ARHGEF10: variants seen among roughly 807,000 people sequenced by gnomAD.
ARHGEF10 encodes Rho guanine nucleotide exchange factor (GEF) 10.
In ARHGEF10, 140 loss-of-function variants were observed where a neutral mutation model predicts 147.4. That is an observed-to-expected ratio of 0.95 (90% CI 0.83 to 1.09). The LOEUF (loss-of-function observed/expected upper bound fraction) is 1.09, where lower values mean the gene tolerates loss of function less well. ARHGEF10 is among the 50% of genes least tolerant of loss of function. The probability of loss-of-function intolerance (pLI) is 0.00; values close to 1 mark genes in which losing one functional copy is unlikely to be tolerated. For missense variants in ARHGEF10, 2,222 were observed against 1,752.7 expected (o/e 1.27, Z -4.78); for synonymous variants, 902 against 695.8 (o/e 1.30, Z -4.67).
At chr8:1,921,658 C>T (rs545384078) in intron 18 of ARHGEF10, among the ~76,000 whole-genome samples, 1 of 152,076 alleles carries the variant, frequency 6.6e-6, no homozygotes, top group Non-Finnish European at 1.5e-5. Context: ...TCGTTTGAAC[C>T]CGGGAGGCAG....
intron 22 of ARHGEF10, among the ~76,000 whole-genome samples, chr8:1,925,824 T>G (rs1309900843): frequency 1.3e-5 from 2 of 152,172 alleles, no homozygotes; most frequent in African/African-American, 4.8e-5. Flanking sequence ...ATCTCCAGGG[T>G]GGCGTCTTAT....
At chr8:1,859,241 G>A (rs112324520) in intron 3 of ARHGEF10, among the ~76,000 whole-genome samples, 23,009 of 114,822 alleles carry the variant, frequency 0.2, 698 homozygotes, top group Non-Finnish European at 0.24. Flanking sequence ...TTGTTTGCCC[G>A]GTGTTTCTTT....
At chr8:1,827,951 C>T (rs1305766585) in intron 1 of ARHGEF10, among the ~76,000 whole-genome samples, 1 of 152,184 alleles carries the variant, frequency 6.6e-6, no homozygotes, top group Non-Finnish European at 1.5e-5. Context: ...GCATGGCTGT[C>T]TGCGTAGAAT....
At chr8:1,891,562 C>T (rs1234006578) in intron 11 of ARHGEF10, among the ~76,000 whole-genome samples, 1 of 152,192 alleles carries the variant, frequency 6.6e-6, no homozygotes, top group Non-Finnish European at 1.5e-5. Flanking sequence ...CAGGCACCAT[C>T]CGCAGCTCTC....
At chr8:1,826,214 T>G in intron 1 of ARHGEF10, 1 of 1,259,618 alleles carries the variant, frequency 7.9e-7, no homozygotes, top group South Asian at 1.3e-5. Context: ...AAGTTAAAAG[T>G]TATTCAGAAT....
intron 2 of ARHGEF10, among the ~76,000 whole-genome samples, chr8:1,856,783 C>T (rs754224030): frequency 6.6e-6 from 1 of 152,186 alleles, no homozygotes. Flanking sequence ...CGAGGTGCCA[C>T]CTGCTTCTGT....
At chr8:1,918,556 T>C (rs1228042952) in intron 18 of ARHGEF10, among the ~76,000 whole-genome samples, 1 of 152,086 alleles carries the variant, frequency 6.6e-6, no homozygotes, top group Non-Finnish European at 1.5e-5. Context: ...TATACATGTA[T>C]GGTTTAAAAC....
intron 1 of ARHGEF10, among the ~76,000 whole-genome samples, chr8:1,826,424 CGCTTTGTGTGTGTGTGTGT>C (rs1802777871): frequency 7.8e-6 from 1 of 128,616 alleles, no homozygotes. Flanking sequence ...TGTGTGTGTG[CGCTTTGTGTGTGTGTGTGT>C]GCGCGTGTGT....
intron 27 of ARHGEF10, among the ~76,000 whole-genome samples, chr8:1,949,873 C>G (rs1036296751): frequency 6.6e-6 from 1 of 151,904 alleles, no homozygotes; most frequent in Admixed American, 6.6e-5. Context: ...GGGCGAATCC[C>G]CCTGGTAGCA....
chr8:1,874,427 C>T (rs1413215217), intron 7 of ARHGEF10, among the ~76,000 whole-genome samples: 8 of 152,196 alleles, frequency 5.3e-5, no homozygotes, highest in Non-Finnish European at 1.2e-4. Flanking sequence ...GCAGCTCCAG[C>T]TCTCAAAGGG....
intron 27 of ARHGEF10, among the ~76,000 whole-genome samples, chr8:1,947,992 G>C (rs1814734435): frequency 6.6e-6 from 1 of 152,036 alleles, no homozygotes; most frequent in African/African-American, 2.4e-5. Flanking sequence ...TCAGGTCGCA[G>C]GTTCTGGCTA....
At chr8:1,865,472 C>G (rs1806513603) in intron 5 of ARHGEF10, among the ~76,000 whole-genome samples, 1 of 151,840 alleles carries the variant, frequency 6.6e-6, no homozygotes, top group African/African-American at 2.4e-5. Context: ...CCCCCAGCAC[C>G]CAGGGGGCCA....
In ARHGEF10 at chr8:1,914,635, C is replaced by T. The variant is rs75333359; in HGVS notation, c.2143+5165C>T. On this transcript the variant is annotated intron_variant, in intron 18 of 28. Coordinates refer to ENST00000349830, the MANE Select transcript of ARHGEF10 (RefSeq NM_014629.4). ...GTCGTGTTTTGAAATACACAGCAGTCGAAATGAAGGAAACAGAACAAAATG... is the reference window on the plus strand; with the variant it reads ...GTCGTGTTTTGAAATACACAGCAGTTGAAATGAAGGAAACAGAACAAAATG... 1.9e-3 allele frequency among the ~76,000 whole-genome samples: 295 copies of T among 152,286 alleles called. 7 individuals are homozygous for T. The East Asian group carries it at 0.049, about 25-fold the overall frequency.
At chr8:1,873,795 C>G (rs1023444056) in intron 7 of ARHGEF10, among the ~76,000 whole-genome samples, 2 of 152,104 alleles carry the variant, frequency 1.3e-5, no homozygotes, top group Non-Finnish European at 2.9e-5. Flanking sequence ...TCGGGGCTCT[C>G]AGAACACAGG....
At chr8:1,926,885 G>C (rs144054098) in intron 23 of ARHGEF10, 1 of 303,484 alleles carries the variant, frequency 3.3e-6, no homozygotes, top group Non-Finnish European at 6.3e-6. Flanking sequence ...GGCTGGAATT[G>C]CAGTAGACGT....
At chr8:1,956,059 G>C (rs1815539191) in intron 28 of ARHGEF10, among the ~76,000 whole-genome samples, 1 of 152,224 alleles carries the variant, frequency 6.6e-6, no homozygotes, top group Non-Finnish European at 1.5e-5. Context: ...TTGGGGAAAG[G>C]ACACGTGCCC....
chr8:1,851,662 C>A (rs938024051), intron 2 of ARHGEF10, among the ~76,000 whole-genome samples: 1 of 152,160 alleles, frequency 6.6e-6, no homozygotes, highest in Non-Finnish European at 1.5e-5. Flanking sequence ...CCTGTAATCC[C>A]AGCACTTTGG....
At chr8:1,885,854 C>A in intron 11 of ARHGEF10, 147 bp downstream of exon 11, 1 of 721,118 alleles carries the variant, frequency 1.4e-6, no homozygotes, top group East Asian at 2.7e-5. Context: ...CCTGGCCCAG[C>A]ACTTAGAGGC....
intron 1 of ARHGEF10, among the ~76,000 whole-genome samples, chr8:1,833,082 A>ACAGG (rs1563149608): frequency 3.3e-5 from 2 of 60,536 alleles, no homozygotes; most frequent in African/African-American, 1.5e-4. Flanking sequence ...AGGCAGAGAG[A>ACAGG]CAGAGACAGA....
Sources: allele counts gnomAD v4.1 joint callset (sites outside exome capture counted in the v4.1 genomes callset), GRCh38; gene constraint gnomAD v4.1.1; transcripts MANE v1.5; gene names NCBI Gene and HGNC (gene_info 2026-07-23, HGNC 2026-07-21).